THADA: variants seen among roughly 807,000 people sequenced by gnomAD.
The protein encoded by THADA is tRNA (32-2'-O)-methyltransferase regulator THADA.
In THADA, 213 loss-of-function variants were observed where a neutral mutation model predicts 219.8. The ratio of observed to expected loss-of-function variants is 0.97; its 90% CI spans 0.87 to 1.09. The LOEUF (loss-of-function observed/expected upper bound fraction) is 1.09. Ranked by LOEUF, THADA falls within the 50% of genes least tolerant of loss-of-function variation. The pLI, the probability that THADA is intolerant of heterozygous loss-of-function variation, is 0.00. For synonymous variants in THADA, 1,018 were observed against 828.9 expected, an observed-to-expected ratio of 1.23 and a Z score of -3.92; for missense variants, 2,956 against 2,311.3, an observed-to-expected ratio of 1.28 and a Z score of -5.72.
intron 15 of THADA, chr2:43,563,964 T>G (rs1194637767): frequency 6.6e-6 from 1 of 152,218 alleles, no homozygotes; most frequent in Non-Finnish European, 1.5e-5. Flanking sequence ...TACATGCAAC[T>G]CATTCATTAG....
At chr2:43,518,692 G>A (rs72867008) in intron 22 of THADA, among the ~76,000 whole-genome samples, 178 of 152,292 alleles carry the variant, frequency 1.2e-3, no homozygotes, top group African/African-American at 4.1e-3. Context: ...AATTCAAGAT[G>A]ATAACTTTTT....
At chr2:43,372,648 A>C (rs1670938772) in intron 29 of THADA, among the ~76,000 whole-genome samples, 1 of 152,232 alleles carries the variant, frequency 6.6e-6, no homozygotes, top group South Asian at 2.1e-4. Flanking sequence ...TCTGCTATGC[A>C]GCATGCCTGT....
At chr2:43,405,866 C>T (rs1277855840) in intron 28 of THADA, among the ~76,000 whole-genome samples, 1 of 152,086 alleles carries the variant, frequency 6.6e-6, no homozygotes, top group East Asian at 1.9e-4. Flanking sequence ...ACATTAAACC[C>T]TTAAAAAAAA....
chr2:43,402,621 G>T (rs80332270), intron 28 of THADA, among the ~76,000 whole-genome samples: 1 of 152,060 alleles, frequency 6.6e-6, no homozygotes, highest in Non-Finnish European at 1.5e-5. Context: ...ACACACATCC[G>T]TAGGGACATC....
intron 8 of THADA, among the ~76,000 whole-genome samples, 176 bp downstream of exon 8, chr2:43,581,564 GA>G (rs1184602109): frequency 0.016 from 1,925 of 117,604 alleles, 41 homozygotes; most frequent in African/African-American, 0.055. Context: ...AAAAAGAAAA[GA>G]AAAAAAAAAA....
intron 28 of THADA, among the ~76,000 whole-genome samples, chr2:43,402,996 T>C (rs2104733407): frequency 6.6e-6 from 1 of 152,354 alleles, no homozygotes; most frequent in African/African-American, 2.4e-5. Context: ...ATTAAGTCAC[T>C]AGTATGTGCC....
chr2:43,508,390 C>G (rs1689972305), intron 23 of THADA, among the ~76,000 whole-genome samples: 1 of 152,062 alleles, frequency 6.6e-6, no homozygotes, highest in Admixed American at 6.5e-5. Context: ...TGTCTGCCTA[C>G]TTAATACACA....
intron 26 of THADA, among the ~76,000 whole-genome samples, chr2:43,434,347 T>C (rs1417048707): frequency 6.6e-6 from 1 of 152,186 alleles, no homozygotes; most frequent in Admixed American, 6.5e-5. Flanking sequence ...AAGGGCTGGT[T>C]CCTGGCGAAG....
At chr2:43,581,564 G>GAAAAAA (rs1184602109) in intron 8 of THADA, among the ~76,000 whole-genome samples, 177 bp downstream of exon 8, 2 of 117,668 alleles carry the variant, frequency 1.7e-5, no homozygotes. Flanking sequence ...AAAAAGAAAA[G>GAAAAAA]AAAAAAAAAA....
chr2:43,328,716 C>T (rs145435015), intron 30 of THADA, among the ~76,000 whole-genome samples: 1 of 152,302 alleles, frequency 6.6e-6, no homozygotes, highest in East Asian at 1.9e-4. Context: ...CCCACTCCTA[C>T]CAGGGTTCTG....
chr2:43,289,628 G>A (rs1017078519), intron 34 of THADA, among the ~76,000 whole-genome samples: 1 of 152,192 alleles, frequency 6.6e-6, no homozygotes, highest in Admixed American at 6.5e-5. Flanking sequence ...TGACTTCTTA[G>A]AACTTGGTGT....
chr2:43,297,310 C>G (rs1487434131), intron 31 of THADA, among the ~76,000 whole-genome samples: 1 of 101,836 alleles, frequency 9.8e-6, no homozygotes, highest in East Asian at 2.3e-4. Context: ...TGGCAACCAC[C>G]CCGTCTGAGA....
At chr2:43,392,516 G>T (rs762914241) in intron 29 of THADA, among the ~76,000 whole-genome samples, 1 of 152,010 alleles carries the variant, frequency 6.6e-6, no homozygotes, top group African/African-American at 2.4e-5. Context: ...CTAGCTGGCC[G>T]AACTAGCCTA....
intron 36 of THADA, 138 bp from the exon 37 acceptor site, chr2:43,233,020 G>T: frequency 1.2e-6 from 1 of 832,896 alleles, no homozygotes; most frequent in Non-Finnish European, 1.9e-6. Context: ...GGTAGGGTGG[G>T]CTCACTGGAG....
chr2:43,527,532 T>G (rs1418037681), intron 22 of THADA, among the ~76,000 whole-genome samples: 1 of 152,094 alleles, frequency 6.6e-6, no homozygotes, highest in African/African-American at 2.4e-5. Flanking sequence ...CCCCAAAAAT[T>G]GCAAGGCCTG....
chr2:43,311,304 C>T (rs1393346951), intron 31 of THADA, among the ~76,000 whole-genome samples: 2 of 152,072 alleles, frequency 1.3e-5, no homozygotes, highest in Non-Finnish European at 2.9e-5. Context: ...TAGGGAAATG[C>T]AAATCAAAAG....
intron 36 of THADA, among the ~76,000 whole-genome samples, chr2:43,274,343 G>C (rs191165823): frequency 6.6e-6 from 1 of 152,348 alleles, no homozygotes; most frequent in East Asian, 1.9e-4. Context: ...GGTTCCAGCA[G>C]AGAGGGTCTG....
intron 23 of THADA, among the ~76,000 whole-genome samples, chr2:43,506,482 G>C (rs985993630): frequency 2.6e-5 from 4 of 152,090 alleles, no homozygotes; most frequent in African/African-American, 9.7e-5. Flanking sequence ...ACAAAAGATC[G>C]TATACTGTAT....
intron 32 of THADA, 28 bp downstream of exon 32, chr2:43,292,806 G>C (rs1318891681): frequency 3.1e-6 from 5 of 1,596,436 alleles, no homozygotes; most frequent in South Asian, 2.2e-5. Context: ...GGAGTGTAAA[G>C]GGCCAGTCAG....
Sources: allele counts gnomAD v4.1 joint callset (sites outside exome capture counted in the v4.1 genomes callset), GRCh38; gene constraint gnomAD v4.1.1; transcripts MANE v1.5; gene names NCBI Gene and HGNC (gene_info 2026-07-23, HGNC 2026-07-21).